Variants in ITPR2 observed in about 807,000 individuals in gnomAD.
ITPR2 encodes the protein inositol 1,4,5-trisphosphate-gated calcium channel ITPR2.
ITPR2 carries 207 observed loss-of-function variants against 317.1 expected under a neutral mutation model. The ratio of observed to expected loss-of-function variants is 0.65; its 90% CI spans 0.58 to 0.73. ITPR2 has a LOEUF of 0.73. Among genes scored for constraint, ITPR2 ranks in the 30% least tolerant of loss-of-function variants. The probability of loss-of-function intolerance (pLI) is 0.00; values close to 1 mark genes in which losing one functional copy is unlikely to be tolerated. For missense variants in ITPR2, 2,613 were observed against 3,284.0 expected, an observed-to-expected ratio of 0.80 and a Z score of 4.99; for synonymous variants, 1,156 against 1,149.1, an observed-to-expected ratio of 1.01 and a Z score of -0.12.
At chr12:26,661,269 T>TGGGGGGGGGGGGGGG (rs1332276817) in intron 15 of ITPR2, among the ~76,000 whole-genome samples, 1 of 6,750 alleles carries the variant, frequency 1.5e-4, no homozygotes. Flanking sequence ...GGTAGGGGTG[T>TGGGGGGGGGGGGGGG]GTGTGTGGGG....
intron 1 of ITPR2, among the ~76,000 whole-genome samples, chr12:26,825,558 A>G (rs994387949): frequency 6.6e-6 from 1 of 152,132 alleles, no homozygotes; most frequent in African/African-American, 2.4e-5. Flanking sequence ...CCTGTGCACA[A>G]AGAAAATGGC....
At chr12:26,613,641 G>A (rs185566899) in intron 26 of ITPR2, among the ~76,000 whole-genome samples, 2 of 152,170 alleles carry the variant, frequency 1.3e-5, no homozygotes, top group East Asian at 3.9e-4. Flanking sequence ...GGTCTGATCA[G>A]AGACCCTGGC....
chr12:26,411,709 A>G (rs1304201196), intron 51 of ITPR2, among the ~76,000 whole-genome samples: 5 of 152,296 alleles, frequency 3.3e-5, no homozygotes, highest in Admixed American at 1.3e-4. Flanking sequence ...TAATGTTTCC[A>G]TGGGCAAACT....
chr12:26,356,812 T>G (rs972744559), intron 55 of ITPR2, among the ~76,000 whole-genome samples: 2 of 152,216 alleles, frequency 1.3e-5, no homozygotes, highest in Non-Finnish European at 2.9e-5. Flanking sequence ...TTCCCAAAGT[T>G]CTAGGATTAC....
chr12:26,638,509 C>T (rs1346457093), intron 21 of ITPR2, among the ~76,000 whole-genome samples: 1 of 152,162 alleles, frequency 6.6e-6, no homozygotes, highest in African/African-American at 2.4e-5. Context: ...GGCAACGATG[C>T]TCTTGATTTC....
At chr12:26,689,312 G>A (rs1394283523) in intron 10 of ITPR2, among the ~76,000 whole-genome samples, 7 of 152,242 alleles carry the variant, frequency 4.6e-5, no homozygotes, top group Admixed American at 3.9e-4. Context: ...AGCTACTCAG[G>A]AGCCTGTAGT....
intron 55 of ITPR2, among the ~76,000 whole-genome samples, chr12:26,362,104 T>C (rs138464860): frequency 1.8e-4 from 27 of 152,310 alleles, no homozygotes; most frequent in African/African-American, 6.3e-4. Context: ...TGGCTTGTGG[T>C]TCAGGGGCTG....
At chr12:26,746,403 G>A (rs550594564) in intron 2 of ITPR2, among the ~76,000 whole-genome samples, 12 of 152,322 alleles carry the variant, frequency 7.9e-5, no homozygotes, top group South Asian at 2.1e-4. Context: ...AGCCCTGGAC[G>A]TGAGTTTGAA....
At chr12:26,632,177 C>G (rs1182445842) in intron 21 of ITPR2, 118 bp from the exon 22 acceptor site, 1 of 637,178 alleles carries the variant, frequency 1.6e-6, no homozygotes, top group Non-Finnish European at 2.4e-6. Flanking sequence ...CAGGATAAGA[C>G]AGAATAGCAT....
chr12:26,394,117 C>T (rs549714460), intron 54 of ITPR2, among the ~76,000 whole-genome samples: 51 of 152,250 alleles, frequency 3.3e-4, no homozygotes, highest in African/African-American at 1.2e-3. Flanking sequence ...TATACATGAT[C>T]TCATTTATAC....
At chr12:26,508,273 G>A (rs933361144) in intron 37 of ITPR2, among the ~76,000 whole-genome samples, 3 of 151,888 alleles carry the variant, frequency 2.0e-5, no homozygotes, top group African/African-American at 7.2e-5. Flanking sequence ...TATATTGAAC[G>A]AAAAAATAAG....
Position 26,475,431 on chromosome 12 carries a change from A to G in ITPR2, c.6220-13T>C. 3 of 1,599,754 alleles carry G rather than the reference A, an allele frequency of 1.9e-6. No homozygotes were observed. The highest frequency in any genetic ancestry group is 8.5e-7 in the Non-Finnish European group (1 of 1,176,354). Reference sequence around the variant, plus strand: ...TCATCACATCCACCTATCCAAAAAAAAAAAGAATATTGAAATGCCAGAAAC... The same window carrying G: ...TCATCACATCCACCTATCCAAAAAAGAAAAGAATATTGAAATGCCAGAAAC... On this transcript the variant is annotated splice_polypyrimidine_tract_variant and intron_variant, in intron 44 of 56. Transcript: ENST00000381340.
chr12:26,568,006 T>TTATATATATATATATTATATATATTA (rs1945048244), intron 34 of ITPR2, among the ~76,000 whole-genome samples: 1 of 7,506 alleles, frequency 1.3e-4, no homozygotes, highest in Non-Finnish European at 6.0e-4. Flanking sequence ...ATTATATATA[T>TTATATATATATATATTATATATATTA]TATATATATA....
chr12:26,832,493 A>C (rs1951130255), intron 1 of ITPR2, among the ~76,000 whole-genome samples, 197 bp downstream of exon 1: 1 of 152,250 alleles, frequency 6.6e-6, no homozygotes, highest in African/African-American at 2.4e-5. Context: ...GTTGCTGAGA[A>C]AGTCTTGCCT....
chr12:26,366,043 T>C (rs1010007790), intron 55 of ITPR2, among the ~76,000 whole-genome samples: 2 of 152,140 alleles, frequency 1.3e-5, no homozygotes, highest in African/African-American at 4.8e-5. Flanking sequence ...TTCTGCTTGC[T>C]GACAGGTTTT....
rs556275076 is a variant in ITPR2, at chr12:26,392,807, C to T, written c.7697-5213G>A. ...ATGATAATATCGCCACAGCAAGATA[C>T]CCTATCCTTAGAATAGGAATTCTGA... On this transcript the variant is annotated intron_variant, in intron 54 of 56. Coordinates refer to ENST00000381340, the MANE Select transcript of ITPR2 (RefSeq NM_002223.4). Among the ~76,000 whole-genome samples, 225 of 152,296 alleles carry T rather than the reference C, an allele frequency of 1.5e-3. 1 individual carries two copies. The highest frequency in any genetic ancestry group is 5.0e-3 in the African/African-American group (206 of 41,560).
chr12:26,378,061 C>T (rs1049944246), intron 55 of ITPR2, among the ~76,000 whole-genome samples: 5 of 151,918 alleles, frequency 3.3e-5, no homozygotes, highest in African/African-American at 1.2e-4. Flanking sequence ...TGCTGAGTGC[C>T]TACTATATAC....
At chr12:26,418,015 G>A (rs1304650679) in intron 50 of ITPR2, among the ~76,000 whole-genome samples, 1 of 152,070 alleles carries the variant, frequency 6.6e-6, no homozygotes, top group South Asian at 2.1e-4. Flanking sequence ...TTGTTAGAAC[G>A]GAAAAAATAT....
In ITPR2 at chr12:26,337,498, A is replaced by G. The variant is rs1937957647; in HGVS notation, c.*1899T>C. The G allele has an allele frequency of 6.6e-6, 1 of 152,250 alleles. No homozygotes were observed. The highest frequency in any genetic ancestry group is 1.5e-5 in the Non-Finnish European group (1 of 68,048). The allele number at this position is 152,250 out of a possible 1,614,324, so 9.4% of individuals were successfully genotyped here. On this transcript the variant is annotated 3_prime_UTR_variant, in exon 57 of 57. Transcript: ENST00000381340. ...AATAGCATTGATGATCCTGGATTTT[A>G]AAGATGGCTGCTTTAGTCTACTTTG...
Sources: allele counts gnomAD v4.1 joint callset (sites outside exome capture counted in the v4.1 genomes callset), GRCh38; gene constraint gnomAD v4.1.1; transcripts MANE v1.5; gene names NCBI Gene and HGNC (gene_info 2026-07-23, HGNC 2026-07-21).